Variants in FRMD4A observed in about 807,000 individuals in gnomAD.
FRMD4A encodes the protein FERM domain-containing protein 4A.
FRMD4A carries 29 observed loss-of-function variants against 129.1 expected under a neutral mutation model. That is an observed-to-expected ratio of 0.22 (90% CI 0.17 to 0.31). The LOEUF is 0.31. Ranked by LOEUF, FRMD4A falls within the 10% of genes least tolerant of loss-of-function variation. FRMD4A has a pLI of 1.00. For missense variants in FRMD4A, 1,272 were observed against 1,375.8 expected, an observed-to-expected ratio of 0.92 and a Z score of 1.19; for synonymous variants, 634 against 571.6, an observed-to-expected ratio of 1.11 and a Z score of -1.56.
chr10:14,094,096 C>T (rs188436970), intron 2 of FRMD4A, among the ~76,000 whole-genome samples: 197 of 152,346 alleles, frequency 1.3e-3, no homozygotes, highest in African/African-American at 4.6e-3. Context: ...AGCCCCTGCC[C>T]GGGGGAAGCT....
At chr10:14,139,514 A>G (rs903379662) in intron 2 of FRMD4A, among the ~76,000 whole-genome samples, 2 of 152,212 alleles carry the variant, frequency 1.3e-5, no homozygotes, top group South Asian at 4.2e-4. Flanking sequence ...CTGTGGCTCA[A>G]CCATGGCTCT....
intron 14 of FRMD4A, among the ~76,000 whole-genome samples, chr10:13,698,849 G>A (rs986519921): frequency 6.6e-6 from 1 of 152,198 alleles, no homozygotes; most frequent in Non-Finnish European, 1.5e-5. Flanking sequence ...TGGTTCCTGT[G>A]AGAAGTGTGA....
intron 12 of FRMD4A, among the ~76,000 whole-genome samples, chr10:13,721,614 A>T (rs924682283): frequency 3.3e-5 from 5 of 152,194 alleles, no homozygotes; most frequent in Non-Finnish European, 7.3e-5. Context: ...TGGCACTCCC[A>T]CTAGGGCCGT....
intron 2 of FRMD4A, among the ~76,000 whole-genome samples, chr10:13,859,939 C>T (rs575777299): frequency 2.0e-5 from 3 of 152,246 alleles, no homozygotes; most frequent in Admixed American, 1.3e-4. Flanking sequence ...GACAAGTTAC[C>T]GTTCGTCTCC....
At chr10:14,015,971 G>C (rs1227759310) in intron 2 of FRMD4A, among the ~76,000 whole-genome samples, 1 of 152,214 alleles carries the variant, frequency 6.6e-6, no homozygotes, top group Non-Finnish European at 1.5e-5. Context: ...TCCCTCTTCT[G>C]TGTCACTACA....
At chr10:13,993,012 G>A (rs1326112366) in intron 2 of FRMD4A, among the ~76,000 whole-genome samples, 1 of 144,072 alleles carries the variant, frequency 6.9e-6, no homozygotes, top group East Asian at 2.0e-4. Context: ...GTAATGACTA[G>A]CCAACATATC....
At chr10:14,140,713 T>C (rs1456429017) in intron 2 of FRMD4A, among the ~76,000 whole-genome samples, 1 of 152,208 alleles carries the variant, frequency 6.6e-6, no homozygotes, top group Non-Finnish European at 1.5e-5. Context: ...TCCCTCTATA[T>C]GCTTGTAATT....
Position 14,203,122 on chromosome 10 carries a change from G to A in FRMD4A, c.45+126936C>T, listed in dbSNP as rs548247820. 6.6e-5 allele frequency among the ~76,000 whole-genome samples: 10 copies of A among 152,270 alleles called. No homozygotes were observed. The South Asian group carries it at 1.2e-3, about 19-fold the overall frequency. ...GTTTATGTCTGACACCTCCAGGGCC[G>A]TGTAGAAATCCAGTGGTATACTACA... is the stretch of plus-strand genomic sequence containing the variant. On this transcript the variant is annotated intron_variant, in intron 2 of 24. Coordinates refer to ENST00000357447, the MANE Select transcript of FRMD4A (RefSeq NM_018027.5).
At chr10:13,781,744 A>C (rs10906478) in intron 6 of FRMD4A, among the ~76,000 whole-genome samples, 64,035 of 151,904 alleles carry the variant, frequency 0.42, 14,416 homozygotes, top group East Asian at 0.65. Context: ...ACAAATATAT[A>C]TGATTCCACT....
At chr10:13,859,291 G>A (rs1298139309) in intron 2 of FRMD4A, among the ~76,000 whole-genome samples, 1 of 152,106 alleles carries the variant, frequency 6.6e-6, no homozygotes, top group African/African-American at 2.4e-5. Flanking sequence ...GGCTGAGGCA[G>A]GAGAATCGCT....
At chr10:13,858,487 C>T (rs1218860082) in intron 3 of FRMD4A, among the ~76,000 whole-genome samples, 2 of 152,148 alleles carry the variant, frequency 1.3e-5, no homozygotes, top group East Asian at 1.9e-4. Flanking sequence ...CTTTTTCTAT[C>T]CCCTCTGAGC....
At chr10:13,935,347 A>G (rs572052182) in intron 2 of FRMD4A, among the ~76,000 whole-genome samples, 1 of 146,842 alleles carries the variant, frequency 6.8e-6, no homozygotes, top group East Asian at 2.1e-4. Flanking sequence ...CTGAGGCAGG[A>G]GAATTCCTTG....
chr10:14,048,904 A>AT (rs1233151111), intron 2 of FRMD4A, among the ~76,000 whole-genome samples: 5 of 145,000 alleles, frequency 3.4e-5, no homozygotes, highest in Admixed American at 6.9e-5. Context: ...ATAGAATAGA[A>AT]AATAAAATGA....
At chr10:14,178,245 TGTTCTTTATTAGTCAGGG>T (rs1458945386) in intron 2 of FRMD4A, among the ~76,000 whole-genome samples, 2 of 152,244 alleles carry the variant, frequency 1.3e-5, no homozygotes, top group Non-Finnish European at 2.9e-5. Flanking sequence ...TTTAAATTTC[TGTTCTTTATTAGTCAGGG>T]GTTGCAAAGT....
chr10:13,985,318 C>T (rs2095577187), intron 2 of FRMD4A, among the ~76,000 whole-genome samples: 1 of 152,194 alleles, frequency 6.6e-6, no homozygotes, highest in South Asian at 2.1e-4. Flanking sequence ...GTAAGGTCAG[C>T]TGGTCTCTCT....
intron 2 of FRMD4A, among the ~76,000 whole-genome samples, chr10:14,305,415 C>T (rs1174282036): frequency 6.6e-6 from 1 of 152,128 alleles, no homozygotes; most frequent in Non-Finnish European, 1.5e-5. Flanking sequence ...GTACTCTCTC[C>T]CATTAAATAT....
intron 2 of FRMD4A, among the ~76,000 whole-genome samples, chr10:14,295,726 G>T (rs1160432736): frequency 6.6e-6 from 1 of 152,116 alleles, no homozygotes; most frequent in East Asian, 1.9e-4. Flanking sequence ...TGGGAGAGGG[G>T]GAGTTGGCAG....
At chr10:14,058,037 C>T in intron 2 of FRMD4A, among the ~76,000 whole-genome samples, 1 of 152,200 alleles carries the variant, frequency 6.6e-6, no homozygotes, top group East Asian at 1.9e-4. Context: ...TAAAACCATT[C>T]ATTAATTCCC....
intron 2 of FRMD4A, among the ~76,000 whole-genome samples, chr10:14,031,361 G>A (rs1366223809): frequency 1.3e-5 from 2 of 151,572 alleles, no homozygotes; most frequent in Admixed American, 6.6e-5. Flanking sequence ...TCCGCCTCCC[G>A]GGTTCAAGTG....
Sources: gnomAD v4.1 joint callset for allele counts (sites outside exome capture counted in the v4.1 genomes callset) on GRCh38, gnomAD v4.1.1 for gene constraint, MANE v1.5 for transcripts, NCBI Gene and HGNC (gene_info 2026-07-23, HGNC 2026-07-21) for gene names.